The following ST6GALNAC3 variants were observed in gnomAD, a reference collection of about 807,000 sequenced individuals.
ST6GALNAC3 encodes the protein alpha-N-acetylgalactosaminide alpha-2,6-sialyltransferase 3.
Under a neutral mutation model 32.7 loss-of-function variants are expected in ST6GALNAC3, and 25 were observed. The ratio of observed to expected loss-of-function variants is 0.76; its 90% CI spans 0.56 to 1.07. The LOEUF is 1.07. ST6GALNAC3 is among the 50% of genes least tolerant of loss of function. The pLI, the probability that ST6GALNAC3 is intolerant of heterozygous loss-of-function variation, is 0.00. For synonymous variants in ST6GALNAC3, 129 were observed against 133.1 expected, an observed-to-expected ratio of 0.97 and a Z score of 0.21; for missense variants, 355 against 382.4, an observed-to-expected ratio of 0.93 and a Z score of 0.60.
At chr1:76,237,044 G>T (rs1656695192) in intron 1 of ST6GALNAC3, among the ~76,000 whole-genome samples, 1 of 152,156 alleles carries the variant, frequency 6.6e-6, no homozygotes, top group African/African-American at 2.4e-5. Flanking sequence ...GTGCTAAGGG[G>T]ATAGGCCACG....
chr1:76,449,975 A>G (rs1271768306), intron 3 of ST6GALNAC3, among the ~76,000 whole-genome samples: 1 of 152,136 alleles, frequency 6.6e-6, no homozygotes, highest in East Asian at 1.9e-4. Flanking sequence ...CCAATTATTG[A>G]TTGATGGGCA....
chr1:76,237,845 T>C (rs1416882793), intron 1 of ST6GALNAC3, among the ~76,000 whole-genome samples: 1 of 152,192 alleles, frequency 6.6e-6, no homozygotes, highest in Non-Finnish European at 1.5e-5. Context: ...TAGAAGAGCA[T>C]ATAGTCTAGC....
At chr1:76,408,153 G>A (rs1653966410) in intron 2 of ST6GALNAC3, among the ~76,000 whole-genome samples, 1 of 152,016 alleles carries the variant, frequency 6.6e-6, no homozygotes, top group African/African-American at 2.4e-5. Flanking sequence ...TCCTGATTAT[G>A]ATTAGGAATG....
chr1:76,229,100 C>T (rs1034935141), intron 1 of ST6GALNAC3, among the ~76,000 whole-genome samples: 1 of 152,088 alleles, frequency 6.6e-6, no homozygotes, highest in Non-Finnish European at 1.5e-5. Context: ...GAAAACAGAA[C>T]CCTGACCCAC....
intron 2 of ST6GALNAC3, among the ~76,000 whole-genome samples, chr1:76,388,205 AG>A (rs1175685592): frequency 6.6e-6 from 1 of 152,192 alleles, no homozygotes; most frequent in Non-Finnish European, 1.5e-5. Flanking sequence ...ATAAGAAGGA[AG>A]GGGGTGAGAA....
At chr1:76,176,352 TG>T (rs1161665739) in intron 1 of ST6GALNAC3, among the ~76,000 whole-genome samples, 3 of 152,240 alleles carry the variant, frequency 2.0e-5, no homozygotes, top group African/African-American at 7.2e-5. Context: ...TGCTCATTGC[TG>T]GAAGGTCACA....
At chr1:76,241,283 G>T (rs753946911) in intron 1 of ST6GALNAC3, among the ~76,000 whole-genome samples, 3 of 152,126 alleles carry the variant, frequency 2.0e-5, no homozygotes, top group Non-Finnish European at 4.4e-5. Flanking sequence ...TCTTTGGCTC[G>T]CAATTCTGAT....
At chr1:76,156,107 GT>G (rs1651398563) in intron 1 of ST6GALNAC3, among the ~76,000 whole-genome samples, 1 of 87,866 alleles carries the variant, frequency 1.1e-5, no homozygotes, top group Admixed American at 1.5e-4. Context: ...TTTGTCTAAG[GT>G]TTTCTAATAA....
At chr1:76,483,844 T>A (rs1268960468) in intron 3 of ST6GALNAC3, among the ~76,000 whole-genome samples, 3 of 152,188 alleles carry the variant, frequency 2.0e-5, no homozygotes, top group Non-Finnish European at 4.4e-5. Flanking sequence ...CCAGGGTTTT[T>A]ATGGTTTTAG....
chr1:76,219,100 G>C (rs989781470), intron 1 of ST6GALNAC3, among the ~76,000 whole-genome samples: 1 of 152,182 alleles, frequency 6.6e-6, no homozygotes, highest in South Asian at 2.1e-4. Flanking sequence ...AACCTACGGA[G>C]ATTCTCTTTA....
chr1:76,538,314 C>A (rs1172002177), intron 3 of ST6GALNAC3, among the ~76,000 whole-genome samples: 2 of 152,122 alleles, frequency 1.3e-5, no homozygotes, highest in African/African-American at 2.4e-5. Flanking sequence ...TGATAAAATT[C>A]AACATGACTT....
Position 76,273,923 on chromosome 1 carries a change from T to A in ST6GALNAC3, c.19-39882T>A, listed in dbSNP as rs190611948. On this transcript the variant is annotated intron_variant, in intron 1 of 4. Transcript: ENST00000328299. ...TTATGGGAGTCTATTGTTAAAAATC[T>A]CACTGCTTCATCCAGTGGTAACATG... is the stretch of plus-strand genomic sequence containing the variant. 1.4e-3 allele frequency among the ~76,000 whole-genome samples: 219 copies of A among 152,358 alleles called. 1 individual carries two copies. Among genetic ancestry groups the A allele is most frequent in the African/African-American group, 5.1e-3 (210 of 41,580 alleles).
intron 3 of ST6GALNAC3, among the ~76,000 whole-genome samples, chr1:76,497,621 TAA>T (rs780321480): frequency 1.3e-5 from 2 of 152,316 alleles, no homozygotes; most frequent in East Asian, 1.9e-4. Context: ...GTTACTTGGC[TAA>T]AGAGTGGTTA....
At chr1:76,303,437 G>A (rs1231522951) in intron 1 of ST6GALNAC3, among the ~76,000 whole-genome samples, 2 of 151,972 alleles carry the variant, frequency 1.3e-5, no homozygotes, top group Non-Finnish European at 2.9e-5. Flanking sequence ...ACGGCCTTAG[G>A]TTCCCTGCCT....
chr1:76,172,087 T>C (rs1418126946), intron 1 of ST6GALNAC3, among the ~76,000 whole-genome samples: 1 of 149,460 alleles, frequency 6.7e-6, no homozygotes, highest in Non-Finnish European at 1.5e-5. Flanking sequence ...AAACCCTCCA[T>C]AAAATACTGG....
At chr1:76,317,472 A>G (rs926950803) in intron 2 of ST6GALNAC3, among the ~76,000 whole-genome samples, 1 of 152,116 alleles carries the variant, frequency 6.6e-6, no homozygotes, top group Admixed American at 6.6e-5. Context: ...CTAAGTCCCT[A>G]TTCATTCTAT....
intron 3 of ST6GALNAC3, 51 bp downstream of exon 3, chr1:76,412,468 A>T (rs1422219352): frequency 6.7e-7 from 1 of 1,503,052 alleles, no homozygotes; most frequent in South Asian, 1.3e-5. Flanking sequence ...TTTTATGCTA[A>T]ATCTTCGCCA....
chr1:76,597,684 C>A (rs1308206773), intron 3 of ST6GALNAC3, among the ~76,000 whole-genome samples: 1 of 152,088 alleles, frequency 6.6e-6, no homozygotes, highest in Non-Finnish European at 1.5e-5. Context: ...CAAGCAAATG[C>A]ACTTCTAGGT....
chr1:76,106,472 A>G (rs1035393836), intron 1 of ST6GALNAC3, among the ~76,000 whole-genome samples: 3 of 152,144 alleles, frequency 2.0e-5, no homozygotes, highest in Admixed American at 2.0e-4. Flanking sequence ...TCGCTGAGGC[A>G]GTCTAAGGCT....
Sources: allele counts gnomAD v4.1 joint callset (sites outside exome capture counted in the v4.1 genomes callset), GRCh38; gene constraint gnomAD v4.1.1; transcripts MANE v1.5; gene names NCBI Gene and HGNC (gene_info 2026-07-23, HGNC 2026-07-21).